CDH22: variants seen among roughly 807,000 people sequenced by gnomAD.
CDH22 encodes cadherin-22.
In CDH22, 30 loss-of-function variants were observed where a neutral mutation model predicts 58.4. The ratio of observed to expected loss-of-function variants is 0.51; its 90% CI spans 0.38 to 0.70. The LOEUF (loss-of-function observed/expected upper bound fraction) is 0.70, where lower values mean the gene tolerates loss of function less well. Among genes scored for constraint, CDH22 ranks in the 30% least tolerant of loss-of-function variants. The pLI, the probability that CDH22 is intolerant of heterozygous loss-of-function variation, is 0.00. For missense variants in CDH22, 1,014 were observed against 1,233.9 expected, an observed-to-expected ratio of 0.82 and a Z score of 2.67; for synonymous variants, 513 against 558.2, an observed-to-expected ratio of 0.92 and a Z score of 1.14.
intron 7 of CDH22, chr20:46,209,832 T>A (rs1294353644): frequency 1.3e-5 from 2 of 156,072 alleles, no homozygotes; most frequent in African/African-American, 4.8e-5. Flanking sequence ...GGTGGGTTTT[T>A]TTTTTCTTTT....
intron 1 of CDH22, among the ~76,000 whole-genome samples, chr20:46,285,109 T>C (rs999358716): frequency 2.0e-5 from 3 of 152,156 alleles, no homozygotes; most frequent in Admixed American, 6.5e-5. Flanking sequence ...TTGGTTCCCA[T>C]GTTTAGCTGC....
chr20:46,207,822 C>T (rs569900356), intron 7 of CDH22, among the ~76,000 whole-genome samples: 2 of 152,328 alleles, frequency 1.3e-5, no homozygotes, highest in East Asian at 3.9e-4. Flanking sequence ...TTACACCATA[C>T]CCAGATACCT....
chr20:46,197,906 C>G (rs1913935056), intron 8 of CDH22, among the ~76,000 whole-genome samples: 2 of 152,152 alleles, frequency 1.3e-5, no homozygotes, highest in South Asian at 4.2e-4. Flanking sequence ...AGGAAGAGGG[C>G]TGGCAGGAGG....
intron 6 of CDH22, among the ~76,000 whole-genome samples, chr20:46,211,415 A>G (rs2086042666): frequency 6.6e-6 from 1 of 152,188 alleles, no homozygotes; most frequent in Admixed American, 6.5e-5. Context: ...CAGCAAAAAC[A>G]GCCGTGTCCT....
At position 46,199,368 on chromosome 20, in the gene CDH22, C is replaced by T. The variant is rs1382400368; in HGVS notation, c.1423+55G>A. The stretch of plus-strand genomic sequence containing the variant: ...CCCAGCCCTTGGCCCCTCCCTTCAG[C>T]TTTTGCTCCTGGGCCCCATATTTGC... On this transcript the variant is annotated intron_variant, in intron 8 of 11. Transcript: ENST00000537909. The T allele has an allele frequency of 6.3e-6, 10 of 1,575,224 alleles. No homozygotes were observed. In the South Asian group the frequency reaches 1.0e-4, roughly 16 times the overall value.
intron 8 of CDH22, among the ~76,000 whole-genome samples, chr20:46,198,208 C>T (rs1032847102): frequency 1.3e-5 from 2 of 151,092 alleles, no homozygotes; most frequent in Non-Finnish European, 3.0e-5. Context: ...ACCTCCACAG[C>T]CTTACTTACC....
chr20:46,275,286 T>C (rs6032739), intron 1 of CDH22, among the ~76,000 whole-genome samples: 2,699 of 152,292 alleles, frequency 0.018, 83 homozygotes, highest in African/African-American at 0.061. Flanking sequence ...TCCCACCTGA[T>C]TGCCTTTGCA....
At chr20:46,186,983 C>G in intron 8 of CDH22, 36 bp from the exon 9 acceptor site, 1 of 1,535,098 alleles carries the variant, frequency 6.5e-7, no homozygotes, top group Middle Eastern at 1.8e-4. Context: ...GGAGAGGCAT[C>G]AAGTGGGAGA....
chr20:46,197,221 A>G (rs1265043882), intron 8 of CDH22, among the ~76,000 whole-genome samples: 1 of 151,954 alleles, frequency 6.6e-6, no homozygotes, highest in Non-Finnish European at 1.5e-5. Context: ...CAATTTTCCC[A>G]TCAGGAAAAT....
At chr20:46,238,586 G>C (rs966567) in intron 3 of CDH22, among the ~76,000 whole-genome samples, 42,767 of 152,028 alleles carry the variant, frequency 0.28, 6,231 homozygotes, top group African/African-American at 0.37. Flanking sequence ...CCCCAAATCT[G>C]TTCCTTCAAT....
At chr20:46,225,551 T>A (rs987019966) in intron 4 of CDH22, among the ~76,000 whole-genome samples, 1 of 152,172 alleles carries the variant, frequency 6.6e-6, no homozygotes, top group Non-Finnish European at 1.5e-5. Flanking sequence ...GGAAGATGCA[T>A]GAGAAAATTA....
intron 3 of CDH22, among the ~76,000 whole-genome samples, chr20:46,240,753 A>G (rs1049438687): frequency 1.3e-5 from 2 of 152,136 alleles, no homozygotes; most frequent in South Asian, 2.1e-4. Context: ...GGCTGTGTCC[A>G]TGGATGTGGC....
intron 1 of CDH22, among the ~76,000 whole-genome samples, chr20:46,285,360 T>C (rs950690491): frequency 4.6e-5 from 7 of 152,226 alleles, no homozygotes; most frequent in Non-Finnish European, 1.0e-4. Context: ...TTTGTGTGTT[T>C]GGAGAAAGCC....
chr20:46,235,280 C>T (rs536606037), intron 3 of CDH22, among the ~76,000 whole-genome samples: 29 of 152,174 alleles, frequency 1.9e-4, no homozygotes, highest in Admixed American at 2.0e-4. Flanking sequence ...AATCCTCTTG[C>T]CATCCCATTC....
At position 46,227,578 on chromosome 20, in the gene CDH22, G is replaced by A. The variant is rs776931433; in HGVS notation, c.600C>T (p.Tyr200=). Residue 200 remains tyrosine (Y), a synonymous_variant, in exon 4 of 12, where the codon TAC becomes TAT. Transcript: ENST00000537909. ...TGTACACCAGCCGAGCGCTGCTGCC[G>A]TACGTGGGGTCATCCGCATCCGAGG... ...VMASDADDPT[Y]GSSARLVYSV... is the part of the protein sequence containing the mutation. The A allele has an allele frequency of 1.4e-5, 23 of 1,612,222 alleles. No individual in the cohort carries two copies. Among genetic ancestry groups the A allele is most frequent in the Non-Finnish European group, 1.8e-5 (21 of 1,179,340 alleles).
rs1182840506 is a variant in CDH22, at chr20:46,241,628, G to C, written c.256-371C>G. On this transcript the variant is annotated intron_variant, in intron 2 of 11. Coordinates refer to ENST00000537909, the MANE Select transcript of CDH22 (RefSeq NM_021248.3). This position sits in a 1 kb window ranked among gnomAD's most constrained non-coding sequence, Gnocchi z 5.2. ...CCCCTTTAGCACGCACAGCTCTGAG[G>C]CTTCTGCCTTGAGCCCTGTCCTTGT... Among the ~76,000 whole-genome samples the C allele has an allele frequency of 2.0e-5, 3 of 152,110 alleles. No individual in the cohort carries two copies. Among genetic ancestry groups the C allele is most frequent in the African/African-American group, 7.2e-5 (3 of 41,416 alleles).
intron 2 of CDH22, among the ~76,000 whole-genome samples, chr20:46,246,928 A>G (rs1315313098): frequency 5.4e-5 from 8 of 147,610 alleles, no homozygotes; most frequent in African/African-American, 2.0e-4. Context: ...TTGCATTCAT[A>G]TGTGCCCACA....
intron 4 of CDH22, among the ~76,000 whole-genome samples, chr20:46,227,117 C>T (rs1433011818): frequency 2.0e-5 from 3 of 152,208 alleles, no homozygotes; most frequent in African/African-American, 7.2e-5. Context: ...TGAAACCAGC[C>T]GTCCTCCCTT....
At chr20:46,217,336 A>G (rs1029734324) in intron 4 of CDH22, among the ~76,000 whole-genome samples, 4 of 152,172 alleles carry the variant, frequency 2.6e-5, no homozygotes, top group African/African-American at 9.7e-5. Context: ...ACACATGCTC[A>G]TATACTCACA....
Sources: gnomAD v4.1 joint callset for allele counts (sites outside exome capture counted in the v4.1 genomes callset) on GRCh38, gnomAD v4.1.1 for gene constraint, Gnocchi (gnomAD v3.1) non-coding constraint, MANE v1.5 for transcripts, NCBI Gene and HGNC (gene_info 2026-07-23, HGNC 2026-07-21) for gene names.